Variants in EPHA5 observed in about 807,000 individuals in gnomAD.
The protein encoded by EPHA5 is EPH receptor A5.
EPHA5 carries 60 observed loss-of-function variants against 105.0 expected under a neutral mutation model. That is an observed-to-expected ratio of 0.57 (90% CI 0.46 to 0.71). EPHA5 has a LOEUF of 0.71. Among genes scored for constraint, EPHA5 ranks in the 30% least tolerant of loss-of-function variants. The pLI, the probability that EPHA5 is intolerant of heterozygous loss-of-function variation, is 0.00. For synonymous variants in EPHA5, 513 were observed against 449.1 expected (o/e 1.14, Z -1.80); for missense variants, 1,218 against 1,274.7 (o/e 0.96, Z 0.68).
At chr4:65,563,694 C>T (rs568297204) in intron 3 of EPHA5, among the ~76,000 whole-genome samples, 3 of 152,042 alleles carry the variant, frequency 2.0e-5, no homozygotes, top group Admixed American at 1.3e-4. Flanking sequence ...AAACTCGAAG[C>T]AAGCACTCTT....
At chr4:65,626,214 T>C (rs906470953) in intron 2 of EPHA5, among the ~76,000 whole-genome samples, 1 of 152,144 alleles carries the variant, frequency 6.6e-6, no homozygotes, top group Non-Finnish European at 1.5e-5. Context: ...ATGTAAAACA[T>C]GGCTTGATAT....
rs781629045 is a variant in EPHA5 at position 65,669,750 on chromosome 4, G to A, written c.-8C>T. 8.0e-7 allele frequency: 1 copy of A among 1,253,328 alleles called. No individual in the cohort carries two copies. Among genetic ancestry groups the A allele is most frequent in the Non-Finnish European group, 1.0e-6 (1 of 998,326 alleles). 77.6% of individuals were successfully genotyped at this position (1,253,328 alleles called of 1,614,324 possible). The stretch of plus-strand genomic sequence containing the variant: ...GGGCCCCGAGCCCCGCATCTTCTCC[G>A]AGCCTCCTCCGGTGCCGCTGTCCCG... On this transcript the variant is annotated 5_prime_UTR_variant, in exon 1 of 17. Coordinates refer to ENST00000613740, the MANE Select transcript of EPHA5 (RefSeq NM_001281766.3).
chr4:65,632,357 T>A (rs1164838045), intron 2 of EPHA5, among the ~76,000 whole-genome samples: 1 of 151,974 alleles, frequency 6.6e-6, no homozygotes, highest in Non-Finnish European at 1.5e-5. Flanking sequence ...CCGATGTTTT[T>A]TAATACTTGA....
intron 3 of EPHA5, among the ~76,000 whole-genome samples, chr4:65,595,169 C>A (rs1743048691): frequency 6.8e-6 from 1 of 146,056 alleles, no homozygotes. Flanking sequence ...AAAAAAAAAT[C>A]TTATTTCCCT....
At chr4:65,632,936 T>C (rs184549003) in intron 2 of EPHA5, among the ~76,000 whole-genome samples, 249 of 152,078 alleles carry the variant, frequency 1.6e-3, no homozygotes, top group Non-Finnish European at 2.6e-3. Context: ...ACACCAGAAG[T>C]AGAAATTTAT....
chr4:65,394,938 A>C (rs1721071856), intron 8 of EPHA5, among the ~76,000 whole-genome samples: 6 of 152,190 alleles, frequency 3.9e-5, no homozygotes, highest in Admixed American at 3.9e-4. Flanking sequence ...TACTCTTCAC[A>C]AAGTACTCAT....
chr4:65,331,402 T>C (rs757259148), intron 16 of EPHA5: 2 of 1,044,836 alleles, frequency 1.9e-6, no homozygotes, highest in Non-Finnish European at 2.3e-6. Context: ...AAGGGCACAA[T>C]TGGTTCCACT....
intron 6 of EPHA5, among the ~76,000 whole-genome samples, chr4:65,415,229 G>T (rs1207605595): frequency 5.3e-5 from 8 of 152,036 alleles, no homozygotes; most frequent in Admixed American, 1.3e-4. Context: ...GAAATCACAT[G>T]CTCAAATATA....
intron 5 of EPHA5, among the ~76,000 whole-genome samples, chr4:65,453,211 TG>T (rs1376979120): frequency 6.6e-6 from 1 of 152,212 alleles, no homozygotes. Context: ...AATATGCTCT[TG>T]TTTATGTGTA....
At chr4:65,454,069 T>C (rs1017685011) in intron 5 of EPHA5, among the ~76,000 whole-genome samples, 1 of 151,960 alleles carries the variant, frequency 6.6e-6, no homozygotes, top group Non-Finnish European at 1.5e-5. Context: ...TCACCTGAGG[T>C]TGGGAGTTCG....
intron 3 of EPHA5, among the ~76,000 whole-genome samples, chr4:65,558,225 C>T (rs1738653584): frequency 6.6e-6 from 1 of 152,050 alleles, no homozygotes; most frequent in South Asian, 2.1e-4. Context: ...CATATTTCTC[C>T]ATTAAGTGTG....
rs924735654 is a variant in EPHA5, at chr4:65,670,031, C to T, written c.-289G>A. 50 of 394,246 alleles carry T rather than the reference C, an allele frequency of 1.3e-4. No individual in the cohort carries two copies. The East Asian group carries it at 1.8e-3, about 14-fold the overall frequency. 24.4% of individuals were successfully genotyped at this position (394,246 alleles called of 1,614,324 possible). A position where few individuals can be genotyped will look rare whatever the true frequency, so the allele number is the denominator to read the frequency against. ...AAGGGTGTCGAGAGGGTCCTGGGTCCTGTTCCTTTGCCTTTCAAAAAGACT... is the reference window on the plus strand; with the variant it reads ...AAGGGTGTCGAGAGGGTCCTGGGTCTTGTTCCTTTGCCTTTCAAAAAGACT... On this transcript the variant is annotated 5_prime_UTR_variant, in exon 1 of 17. Transcript: ENST00000613740.
intron 3 of EPHA5, among the ~76,000 whole-genome samples, chr4:65,547,359 C>A (rs1578393835): frequency 6.8e-6 from 1 of 147,526 alleles, no homozygotes. Flanking sequence ...ATGATGAGAA[C>A]AAAAGAAAGC....
intron 1 of EPHA5, among the ~76,000 whole-genome samples, chr4:65,655,422 C>G (rs1482659384): frequency 6.6e-6 from 1 of 152,098 alleles, no homozygotes; most frequent in East Asian, 1.9e-4. Context: ...CCAAGTAATT[C>G]TTATGTTCAC....
chr4:65,414,360 G>A lies in EPHA5; in HGVS notation c.1611C>T (p.Val537=), dbSNP rs202074075. The A allele has an allele frequency of 1.9e-5, 30 of 1,613,988 alleles. No individual in the cohort carries two copies. The African/African-American group carries it at 3.6e-4, about 19-fold the overall frequency. The part of the protein sequence containing the change: ...AEGLKPASVY[V]FQIRARTAAG... ...CTGCTGTACGTGCTCGAATTTGGAA[G>A]ACATAAACTGAAGCTGGTTTCAAGC... is the stretch of plus-strand genomic sequence containing the variant. The change falls in exon 7 of 17, where the codon GTC becomes GTT. Residue 537 remains valine, a synonymous_variant. Transcript: ENST00000613740.
intron 3 of EPHA5, among the ~76,000 whole-genome samples, chr4:65,593,913 C>G (rs1171851367): frequency 6.6e-6 from 1 of 152,136 alleles, no homozygotes; most frequent in East Asian, 1.9e-4. Flanking sequence ...AATTCGCATT[C>G]ATATTTTGAA....
Position 65,597,031 on chromosome 4 carries a change from C to G in EPHA5, c.910+4610G>C, listed in dbSNP as rs547238730. On this transcript the variant is annotated intron_variant, in intron 3 of 16. Coordinates refer to ENST00000613740, the MANE Select transcript of EPHA5 (RefSeq NM_001281766.3). ...TACTGTTTCTGAATCAAGGCTCTTT[C>G]TTGAATTGGGTATTTTCACTACATT... 2.6e-5 allele frequency among the ~76,000 whole-genome samples: 4 copies of G among 152,276 alleles called. No homozygotes were observed. The East Asian group carries it at 7.7e-4, about 29-fold the overall frequency.
chr4:65,398,411 C>A (rs1486718800), intron 8 of EPHA5, among the ~76,000 whole-genome samples: 2 of 152,186 alleles, frequency 1.3e-5, no homozygotes, highest in East Asian at 3.9e-4. Flanking sequence ...TCAGCATGAA[C>A]AGCCTGGGTG....
At chr4:65,640,929 C>T (rs1747607540) in intron 2 of EPHA5, among the ~76,000 whole-genome samples, 1 of 152,142 alleles carries the variant, frequency 6.6e-6, no homozygotes, top group Non-Finnish European at 1.5e-5. Flanking sequence ...CCTAAGTTTT[C>T]TGGTTGGCAA....
Sources: allele counts gnomAD v4.1 joint callset (sites outside exome capture counted in the v4.1 genomes callset), GRCh38; gene constraint gnomAD v4.1.1; transcripts MANE v1.5; gene names NCBI Gene and HGNC (gene_info 2026-07-23, HGNC 2026-07-21).